The following UGT1A6 variants were observed in gnomAD, a reference collection of about 807,000 sequenced individuals.
The protein encoded by UGT1A6 is UDP glucuronosyltransferase family 1 member A6, also known as UDP-glucuronosyltransferase 1A6.
UGT1A6 carries 32 observed loss-of-function variants against 44.4 expected under a neutral mutation model. The ratio of observed to expected loss-of-function variants is 0.72; its 90% confidence interval spans 0.54 to 0.97. The LOEUF (loss-of-function observed/expected upper bound fraction) is 0.97, where lower values mean the gene tolerates loss of function less well. Among genes scored for constraint, UGT1A6 ranks in the 50% least tolerant of loss-of-function variants. UGT1A6 has a pLI of 0.00. For missense variants in UGT1A6, 685 were observed against 661.9 expected (o/e 1.03, Z -0.38); for synonymous variants, 238 against 248.5 (o/e 0.96, Z 0.40).
rs146196081 is a variant in UGT1A6 at position 233,726,249 on chromosome 2, T to G, written c.861+32384T>G. ...TTTTTAAAACTCCAATATGAAAAGC[T>G]GGGTGCAGTGGCATGCGCCTATGGT... On this transcript the variant is annotated intron_variant, in intron 1 of 4. Transcript: ENST00000305139. Among the ~76,000 whole-genome samples, 3 of 152,316 alleles carry G rather than the reference T, an allele frequency of 2.0e-5. No individual in the cohort carries two copies. In the East Asian group the frequency reaches 5.8e-4, roughly 29 times the overall value.
intron 1 of UGT1A6, chr2:233,743,733 G>A (rs949975964): frequency 8.8e-6 from 12 of 1,367,248 alleles, no homozygotes; most frequent in Admixed American, 7.6e-5. Flanking sequence ...TAGATATCGC[G>A]TTTCTTGGCG....
intron 1 of UGT1A6, chr2:233,728,967 A>C: frequency 8.9e-6 from 13 of 1,466,634 alleles, no homozygotes; most frequent in Non-Finnish European, 1.2e-5. Flanking sequence ...AAAAACAGTG[A>C]TAGATTAATG....
At chr2:233,747,470 G>C in intron 1 of UGT1A6, 4 of 1,608,766 alleles carry the variant, frequency 2.5e-6, no homozygotes, top group Non-Finnish European at 3.4e-6. Context: ...CATGGACCCA[G>C]GATGAATTTG....
At chr2:233,733,488 A>G (rs1340566594) in intron 1 of UGT1A6, among the ~76,000 whole-genome samples, 1 of 152,156 alleles carries the variant, frequency 6.6e-6, no homozygotes, top group African/African-American at 2.4e-5. Context: ...TTCCATCAAT[A>G]CCTAGTTTAT....
rs192713031 is a variant in UGT1A6 at position 233,755,438 on chromosome 2, C to G, written c.862-11596C>G. ...TGTGAGCGCCTCGCATCCCAAGATG[C>G]AGTGCTCCTGGGACTGGCCCTGCTC... On this transcript the variant is annotated intron_variant, in intron 1 of 4. Transcript: ENST00000305139. 453 of 315,884 alleles carry G rather than the reference C, an allele frequency of 1.4e-3. 2 individuals carry two copies. The highest frequency in any genetic ancestry group is 7.9e-3 in the African/African-American group (362 of 46,082). The allele number at this position is 315,884 out of a possible 1,614,324, so 19.6% of individuals were successfully genotyped here.
At chr2:233,718,708 A>G (rs1400639249) in intron 1 of UGT1A6, 2 of 1,605,214 alleles carry the variant, frequency 1.2e-6, no homozygotes, top group Non-Finnish European at 1.7e-6. Context: ...TTTGTCTTCC[A>G]ATTACATGCT....
intron 1 of UGT1A6, among the ~76,000 whole-genome samples, chr2:233,716,254 A>C (rs1204855688): frequency 6.6e-6 from 1 of 152,204 alleles, no homozygotes; most frequent in Non-Finnish European, 1.5e-5. Flanking sequence ...GACATCCAGC[A>C]TAATCTCCCC....
intron 1 of UGT1A6, chr2:233,708,382 G>T (rs1471815158): frequency 6.6e-6 from 1 of 152,124 alleles, no homozygotes; most frequent in African/African-American, 2.4e-5. Flanking sequence ...CGTCTTTTGT[G>T]TGTGTGTGTT....
rs189902631 is a variant in UGT1A6, at chr2:233,721,408, A to T, written c.861+27543A>T. ...CATTTTTCTAGCTATGTGACCTAGG[A>T]CAGGTACCCTAAGCATTGTGGTTTT... is the stretch of plus-strand genomic sequence containing the variant. On this transcript the variant is annotated intron_variant, in intron 1 of 4. Coordinates refer to ENST00000305139, the MANE Select transcript of UGT1A6 (RefSeq NM_001072.4). 676 of 155,018 alleles carry T rather than the reference A, an allele frequency of 4.4e-3. 10 individuals are homozygous for T. The highest frequency in any genetic ancestry group is 0.015 in the African/African-American group (639 of 41,588). 9.6% of individuals were successfully genotyped at this position (155,018 alleles called of 1,614,324 possible).
intron 1 of UGT1A6, among the ~76,000 whole-genome samples, chr2:233,736,444 A>G (rs1261930355): frequency 1.3e-5 from 2 of 152,138 alleles, no homozygotes; most frequent in Non-Finnish European, 2.9e-5. Flanking sequence ...CTTCCTTGCA[A>G]TAGGTTCGAA....
intron 1 of UGT1A6, among the ~76,000 whole-genome samples, chr2:233,737,292 G>T (rs573133918): frequency 6.6e-6 from 1 of 152,194 alleles, no homozygotes; most frequent in Non-Finnish European, 1.5e-5. Flanking sequence ...CCAGGCTGCC[G>T]CCTCACAGTT....
At chr2:233,767,333 T>C (rs921656362) in intron 2 of UGT1A6, among the ~76,000 whole-genome samples, 168 bp downstream of exon 2, 5 of 152,208 alleles carry the variant, frequency 3.3e-5, no homozygotes, top group African/African-American at 1.2e-4. Flanking sequence ...GTTGTTGTCA[T>C]TGTTTTCAAT....
At chr2:233,743,603 C>T (rs1273601432) in intron 1 of UGT1A6, 1 of 1,367,314 alleles carries the variant, frequency 7.3e-7, no homozygotes, top group East Asian at 4.6e-5. Context: ...GTCCTGGCCG[C>T]CGAAGAACTC....
chr2:233,740,000 CTAAG>C (rs1449995031), intron 1 of UGT1A6, among the ~76,000 whole-genome samples: 3 of 151,814 alleles, frequency 2.0e-5, no homozygotes, highest in Non-Finnish European at 4.4e-5. Context: ...TCTTGTCATA[CTAAG>C]TGAGTTCTCA....
At chr2:233,694,574 G>A (rs1304688470) in intron 1 of UGT1A6, among the ~76,000 whole-genome samples, 2 of 152,168 alleles carry the variant, frequency 1.3e-5, no homozygotes, top group Admixed American at 1.3e-4. Flanking sequence ...AAATTTCAAT[G>A]TAAATATTTA....
At chr2:233,715,883 A>G (rs1485855848) in intron 1 of UGT1A6, among the ~76,000 whole-genome samples, 1 of 152,340 alleles carries the variant, frequency 6.6e-6, no homozygotes, top group African/African-American at 2.4e-5. Context: ...CTGTGGCCCC[A>G]GCTACTTGGG....
intron 1 of UGT1A6, among the ~76,000 whole-genome samples, chr2:233,710,424 T>C (rs907239119): frequency 2.0e-5 from 3 of 152,248 alleles, no homozygotes; most frequent in African/African-American, 7.2e-5. Flanking sequence ...GTGCTAAGAC[T>C]TGCTATTTTT....
chr2:233,751,022 C>T (rs902181349), intron 1 of UGT1A6, among the ~76,000 whole-genome samples: 2 of 151,802 alleles, frequency 1.3e-5, no homozygotes, highest in Non-Finnish European at 2.9e-5. Flanking sequence ...ATAGTAGATC[C>T]AATAGCTTGC....
At chr2:233,771,550 T>G (rs1700326393) in intron 4 of UGT1A6, 1 of 152,254 alleles carries the variant, frequency 6.6e-6, no homozygotes, top group Non-Finnish European at 1.5e-5. Flanking sequence ...TACAAATGGC[T>G]GTTAATTTGG....
Sources: gnomAD v4.1 joint callset for allele counts (sites outside exome capture counted in the v4.1 genomes callset) on GRCh38, gnomAD v4.1.1 for gene constraint, MANE v1.5 for transcripts, NCBI Gene and HGNC (gene_info 2026-07-23, HGNC 2026-07-21) for gene names.